SPINK13: variants seen among roughly 807,000 people sequenced by gnomAD.
SPINK13 encodes serine peptidase inhibitor Kazal type 13, also known as serine protease inhibitor Kazal-type 13.
In SPINK13, 11 loss-of-function variants were observed where a neutral mutation model predicts 11.0. The observed-to-expected ratio is 1.00, with a 90% confidence interval of 0.63 to 1.65. The LOEUF (loss-of-function observed/expected upper bound fraction) is 1.65, where lower values mean the gene tolerates loss of function less well. Ranked by LOEUF, SPINK13 falls within the 40% of genes most tolerant of loss-of-function variation. The pLI, the probability that SPINK13 is intolerant of heterozygous loss-of-function variation, is 0.00. For missense variants in SPINK13, 113 were observed against 117.7 expected, an observed-to-expected ratio of 0.96 and a Z score of 0.19; for synonymous variants, 31 against 35.6, an observed-to-expected ratio of 0.87 and a Z score of 0.46.
At chr5:148,284,317 T>TCCTC (rs1200160739) in intron 4 of SPINK13, among the ~76,000 whole-genome samples, 1 of 151,692 alleles carries the variant, frequency 6.6e-6, no homozygotes, top group African/African-American at 2.4e-5. Flanking sequence ...CTTCCTTCCT[T>TCCTC]CCTCCCTCTC....
intron 4 of SPINK13, among the ~76,000 whole-genome samples, chr5:148,282,443 A>T (rs1756532135): frequency 6.6e-6 from 1 of 152,242 alleles, no homozygotes; most frequent in Non-Finnish European, 1.5e-5. Context: ...TTAAAAAAGA[A>T]AAAAGGCTTA....
chr5:148,278,209 T>C (rs1486037634), intron 3 of SPINK13, among the ~76,000 whole-genome samples: 1 of 152,170 alleles, frequency 6.6e-6, no homozygotes, highest in Admixed American at 6.5e-5. Flanking sequence ...GTTAATCTTT[T>C]CAAAAAACCA....
intron 2 of SPINK13, among the ~76,000 whole-genome samples, chr5:148,271,807 G>C (rs563967583): frequency 7.3e-5 from 11 of 151,440 alleles, no homozygotes; most frequent in Non-Finnish European, 1.0e-4. Flanking sequence ...TGTATTTTTA[G>C]TAGAGACGAG....
intron 3 of SPINK13, 139 bp downstream of exon 3, chr5:148,274,523 G>T (rs1036694779): frequency 1.6e-6 from 1 of 644,290 alleles, no homozygotes; most frequent in Non-Finnish European, 2.6e-6. Flanking sequence ...TGAGGCAGGA[G>T]GATCACCTGA....
intron 3 of SPINK13, among the ~76,000 whole-genome samples, chr5:148,280,107 T>C (rs572759273): frequency 6.6e-6 from 1 of 152,294 alleles, no homozygotes; most frequent in African/African-American, 2.4e-5. Context: ...TTCATGAAGT[T>C]CTCATGCTGT....
intron 3 of SPINK13, among the ~76,000 whole-genome samples, chr5:148,277,120 T>A (rs1756442949): frequency 6.6e-6 from 1 of 152,246 alleles, no homozygotes; most frequent in Admixed American, 6.5e-5. Flanking sequence ...TTTTGCACAT[T>A]GATTTTGTAT....
chr5:148,282,077 T>C (rs553537329), intron 3 of SPINK13, 27 bp from the exon 4 acceptor site: 2 of 1,611,772 alleles, frequency 1.2e-6, no homozygotes, highest in East Asian at 4.5e-5. Flanking sequence ...GTATTATTTG[T>C]CACTTTATGG....
At chr5:148,285,003 T>C (rs1462545244) in intron 4 of SPINK13, among the ~76,000 whole-genome samples, 1 of 152,182 alleles carries the variant, frequency 6.6e-6, no homozygotes, top group Non-Finnish European at 1.5e-5. Flanking sequence ...AACCTTGGTT[T>C]TGTTGGACAA....
intron 2 of SPINK13, among the ~76,000 whole-genome samples, chr5:148,271,925 T>G (rs1756357839): frequency 6.6e-6 from 1 of 152,206 alleles, no homozygotes; most frequent in African/African-American, 2.4e-5. Context: ...GCCTGGCCTA[T>G]TATTAGGACT....
intron 2 of SPINK13, 129 bp downstream of exon 2, chr5:148,270,271 G>A (rs1756331161): frequency 2.5e-6 from 2 of 816,048 alleles, no homozygotes; most frequent in Non-Finnish European, 3.9e-6. Context: ...TCCAAACTGG[G>A]TATAATTAAA....
chr5:148,281,130 C>T (rs955057180), intron 3 of SPINK13, among the ~76,000 whole-genome samples: 5 of 152,142 alleles, frequency 3.3e-5, no homozygotes, highest in South Asian at 2.1e-4. Flanking sequence ...GGACGCCCCT[C>T]CCCCCACCAA....
chr5:148,270,062 T>C lies in SPINK13; in HGVS notation c.-11T>C, dbSNP rs750541908. On this transcript the variant is annotated 5_prime_UTR_variant, in exon 2 of 5. Transcript: ENST00000398450. The stretch of plus-strand genomic sequence containing the variant: ...CAGGCCTTATCAAAGAAGAGTCTTA[T>C]ATGAGATCAAATGGCTGCCTTTCCC... The C allele has an allele frequency of 1.2e-5, 19 of 1,613,794 alleles. 1 individual carries two copies. In the South Asian group the frequency reaches 1.4e-4, roughly 12 times the overall value.
At chr5:148,269,116 G>A (rs1273470941) in intron 1 of SPINK13, 3 of 152,232 alleles carry the variant, frequency 2.0e-5, no homozygotes, top group South Asian at 2.1e-4. Flanking sequence ...TAGGGCGTGA[G>A]CAAGTTAAGG....
chr5:148,282,687 T>C (rs187935155), intron 4 of SPINK13, among the ~76,000 whole-genome samples: 60 of 152,340 alleles, frequency 3.9e-4, no homozygotes, highest in Non-Finnish European at 6.2e-4. Flanking sequence ...GATGCAGGTA[T>C]AGATACACAC....
intron 3 of SPINK13, among the ~76,000 whole-genome samples, chr5:148,281,569 G>C (rs1036869062): frequency 3.0e-4 from 45 of 152,148 alleles, no homozygotes; most frequent in African/African-American, 9.4e-4. Context: ...CTTCCCGGGT[G>C]AGGTGGCGCC....
intron 2 of SPINK13, among the ~76,000 whole-genome samples, chr5:148,272,565 T>G (rs189507466): frequency 6.6e-6 from 1 of 152,174 alleles, no homozygotes; most frequent in Non-Finnish European, 1.5e-5. Flanking sequence ...CTTAGATGCC[T>G]ATATTTCTGG....
chr5:148,277,362 A>C (rs2113369048), intron 3 of SPINK13, among the ~76,000 whole-genome samples: 1 of 152,302 alleles, frequency 6.6e-6, no homozygotes, highest in South Asian at 2.1e-4. Context: ...GCTGGCTTTC[A>C]AAGGGAATGC....
intron 3 of SPINK13, among the ~76,000 whole-genome samples, chr5:148,275,834 G>C (rs897866000): frequency 1.2e-4 from 18 of 151,764 alleles, no homozygotes; most frequent in African/African-American, 4.4e-4. Context: ...CTAATTTTTT[G>C]TATTTTTTAG....
chr5:148,270,447 A>G (rs1314103748), intron 2 of SPINK13, among the ~76,000 whole-genome samples: 1 of 152,208 alleles, frequency 6.6e-6, no homozygotes, highest in Non-Finnish European at 1.5e-5. Flanking sequence ...AGAAAAAATG[A>G]TGCATTTTCT....
Sources: gnomAD v4.1 joint callset for allele counts (sites outside exome capture counted in the v4.1 genomes callset) on GRCh38, gnomAD v4.1.1 for gene constraint, MANE v1.5 for transcripts, NCBI Gene and HGNC (gene_info 2026-07-23, HGNC 2026-07-21) for gene names.